GALNT13: variants seen among roughly 807,000 people sequenced by gnomAD.
GALNT13 encodes polypeptide N-acetylgalactosaminyltransferase 13.
GALNT13 carries 28 observed loss-of-function variants against 64.2 expected under a neutral mutation model. That is an observed-to-expected ratio of 0.44 (90% CI 0.32 to 0.60). GALNT13 has a LOEUF of 0.60. Among genes scored for constraint, GALNT13 ranks in the 20% least tolerant of loss-of-function variants. The pLI, the probability that GALNT13 is intolerant of heterozygous loss-of-function variation, is 0.05. For missense variants in GALNT13, 577 were observed against 669.8 expected, an observed-to-expected ratio of 0.86 and a Z score of 1.53; for synonymous variants, 214 against 224.6, an observed-to-expected ratio of 0.95 and a Z score of 0.42.
the GALNT13 span, among the ~76,000 whole-genome samples, chr2:153,441,503 A>G: frequency 3.3e-5 from 5 of 152,204 alleles, no homozygotes; most frequent in African/African-American, 1.2e-4. Context: ...TTGTAGCTTG[A>G]TGGGGATAGC....
chr2:153,520,060 T>C, the GALNT13 span, among the ~76,000 whole-genome samples: 4 of 152,180 alleles, frequency 2.6e-5, no homozygotes, highest in Admixed American at 2.6e-4. Context: ...AGATGCTAAA[T>C]TAAACTATTA....
intron 9 of GALNT13, among the ~76,000 whole-genome samples, chr2:154,332,014 T>C (rs1384858169): frequency 6.6e-6 from 1 of 152,134 alleles, no homozygotes; most frequent in Non-Finnish European, 1.5e-5. Flanking sequence ...CAGGCTTTAA[T>C]GCTGTTGTAC....
At chr2:153,929,102 C>T (rs1690337986) in intron 2 of GALNT13, among the ~76,000 whole-genome samples, 1 of 152,102 alleles carries the variant, frequency 6.6e-6, no homozygotes, top group Non-Finnish European at 1.5e-5. Context: ...TTTTGTATAT[C>T]TCCCCTCCTG....
At chr2:154,200,265 G>A (rs1319838633) in intron 4 of GALNT13, among the ~76,000 whole-genome samples, 1 of 151,712 alleles carries the variant, frequency 6.6e-6, no homozygotes, top group Non-Finnish European at 1.5e-5. Context: ...TATCTCTTTC[G>A]AGATAAGAAA....
the GALNT13 span, among the ~76,000 whole-genome samples, chr2:153,604,197 G>A: frequency 6.6e-6 from 1 of 151,952 alleles, no homozygotes; most frequent in Non-Finnish European, 1.5e-5. Context: ...AACTTCTGGG[G>A]CTATCACCCT....
At chr2:153,582,728 G>A in the GALNT13 span, among the ~76,000 whole-genome samples, 6 of 151,970 alleles carry the variant, frequency 3.9e-5, no homozygotes, top group East Asian at 1.9e-4. Context: ...TCAAAGAGTC[G>A]GATCTGTTAT....
At chr2:154,405,884 C>A (rs554966243) in intron 10 of GALNT13, among the ~76,000 whole-genome samples, 17 of 151,958 alleles carry the variant, frequency 1.1e-4, no homozygotes, top group African/African-American at 3.9e-4. Context: ...AGTTTGGCTT[C>A]GAGGGAAATA....
rs541186409 is a variant in GALNT13, at chr2:154,301,252, G to A, written c.976-157G>A. On this transcript the variant is annotated intron_variant, in intron 8 of 12. Coordinates refer to ENST00000392825, the MANE Select transcript of GALNT13 (RefSeq NM_052917.4). ...AAATATATCAAGATCTTCCAAATTC[G>A]CATCCTTTGCCAAAAGTAAGTATAG... Among the ~76,000 whole-genome samples, 5 of 152,152 alleles carry A rather than the reference G, an allele frequency of 3.3e-5. No individual in the cohort carries two copies. In the South Asian group the frequency reaches 6.2e-4, roughly 19 times the overall value.
chr2:153,282,987 C>G, the GALNT13 span, among the ~76,000 whole-genome samples: 2 of 152,176 alleles, frequency 1.3e-5, no homozygotes, highest in African/African-American at 4.8e-5. Context: ...AACCTATAAG[C>G]CAGTAGATGA....
At chr2:154,100,029 G>T (rs1022836145) in intron 3 of GALNT13, among the ~76,000 whole-genome samples, 2 of 152,030 alleles carry the variant, frequency 1.3e-5, no homozygotes, top group African/African-American at 4.8e-5. Context: ...TAGTTATGTG[G>T]CTTTATTTCT....
chr2:153,468,703 C>A, the GALNT13 span, among the ~76,000 whole-genome samples: 2 of 151,902 alleles, frequency 1.3e-5, no homozygotes. Flanking sequence ...TTTTAAAGAA[C>A]ATTTTGAAAT....
intron 10 of GALNT13, among the ~76,000 whole-genome samples, chr2:154,404,243 G>C (rs1699427078): frequency 6.6e-6 from 1 of 152,116 alleles, no homozygotes; most frequent in Non-Finnish European, 1.5e-5. Flanking sequence ...CCAGAAATAG[G>C]ATAGGCTTCT....
At chr2:154,082,925 A>G (rs1701345974) in intron 3 of GALNT13, among the ~76,000 whole-genome samples, 1 of 151,934 alleles carries the variant, frequency 6.6e-6, no homozygotes, top group South Asian at 2.1e-4. Flanking sequence ...ATTAGATCCC[A>G]TTTGTCAGTT....
the GALNT13 span, among the ~76,000 whole-genome samples, chr2:153,800,139 C>A: frequency 6.6e-6 from 1 of 150,498 alleles, no homozygotes; most frequent in East Asian, 2.0e-4. Flanking sequence ...AGGTTTGTTT[C>A]CAGACCACTG....
At chr2:153,763,354 C>G in the GALNT13 span, among the ~76,000 whole-genome samples, 1 of 152,162 alleles carries the variant, frequency 6.6e-6, no homozygotes, top group African/African-American at 2.4e-5. Context: ...TGTGTCTTCA[C>G]CCATATCTCA....
chr2:154,254,583 G>T (rs1271799574), intron 7 of GALNT13, among the ~76,000 whole-genome samples: 1 of 148,900 alleles, frequency 6.7e-6, no homozygotes, highest in African/African-American at 2.5e-5. Flanking sequence ...AAATACTTCA[G>T]AAAAAAAAAG....
At chr2:153,880,099 A>G (rs528971483) in intron 1 of GALNT13, among the ~76,000 whole-genome samples, 2 of 152,288 alleles carry the variant, frequency 1.3e-5, no homozygotes, top group South Asian at 2.1e-4. Context: ...ATAAGAAACA[A>G]TTTATTTTCC....
chr2:153,952,077 T>A (rs996223532), intron 3 of GALNT13, among the ~76,000 whole-genome samples: 4 of 152,184 alleles, frequency 2.6e-5, no homozygotes, highest in Non-Finnish European at 5.9e-5. Flanking sequence ...TGATGCCACC[T>A]GGAATTAAAG....
rs75657611 is a variant in GALNT13, at chr2:154,272,094, G to T, written c.975+12956G>T. Among the ~76,000 whole-genome samples, 580 of 151,908 alleles carry T rather than the reference G, an allele frequency of 3.8e-3. 2 individuals carry two copies. Among genetic ancestry groups the T allele is most frequent in the Admixed American group, 7.0e-3 (107 of 15,244 alleles). On this transcript the variant is annotated intron_variant, in intron 8 of 12. Transcript: ENST00000392825. ...ATTTTCATTTCCATTAATAAATAAA[G>T]AAGTGAATGATATTTTATAGGGCTT... is the stretch of plus-strand genomic sequence containing the variant.
Sources: gnomAD v4.1 joint callset for allele counts (sites outside exome capture counted in the v4.1 genomes callset) on GRCh38, gnomAD v4.1.1 for gene constraint, MANE v1.5 for transcripts, NCBI Gene and HGNC (gene_info 2026-07-23, HGNC 2026-07-21) for gene names.